The following TTC34 variants were observed in gnomAD, a reference collection of about 807,000 sequenced individuals.
The protein encoded by TTC34 is tetratricopeptide repeat domain 34.
In TTC34, 44 loss-of-function variants were observed where a neutral mutation model predicts 40.7. That is an observed-to-expected ratio of 1.08 (90% CI 0.85 to 1.39). TTC34 has a LOEUF of 1.39. Ranked by LOEUF, TTC34 falls within the 40% of genes most tolerant of loss-of-function variation. The pLI, the probability that TTC34 is intolerant of heterozygous loss-of-function variation, is 0.00. For synonymous variants in TTC34, 422 were observed against 398.6 expected (o/e 1.06, Z -0.70); for missense variants, 884 against 838.0 (o/e 1.05, Z -0.68).
intron 6 of TTC34, among the ~76,000 whole-genome samples, chr1:2,656,922 TGGAACAGCACCCACACCCCCA>T (rs1639369563): frequency 1.1e-5 from 1 of 94,512 alleles, no homozygotes; most frequent in Non-Finnish European, 2.7e-5. Context: ...TCTGACGGCC[TGGAACAGCACCCACACCCCCA>T]GGTGAGCATT....
intron 6 of TTC34, among the ~76,000 whole-genome samples, chr1:2,699,416 A>C (rs1313686230): frequency 2.5e-5 from 2 of 79,338 alleles, no homozygotes; most frequent in East Asian, 4.5e-4. Context: ...CCCACACCCC[A>C]AGGTGAGTAT....
Position 2,645,707 on chromosome 1 carries a change from T to C in TTC34, c.2227-144A>G. 1 of 758,844 alleles carries C rather than the reference T, an allele frequency of 1.3e-6. No individual in the cohort carries two copies. Among genetic ancestry groups the C allele is most frequent in the Non-Finnish European group, 1.9e-6 (1 of 535,082 alleles). The allele number at this position is 758,844 out of a possible 1,614,324, so 47.0% of individuals were successfully genotyped here. On this transcript the variant is annotated intron_variant, in intron 6 of 8. Transcript: ENST00000401095. This position sits in a 1 kb window ranked among gnomAD's most constrained non-coding sequence, Gnocchi z 4.7. The stretch of plus-strand genomic sequence containing the variant: ...TAGAGGGTCTGAACACCCAGCTTCC[T>C]GCCCCTTCCTGCTTCTCTGTGGCTG...
intron 6 of TTC34, among the ~76,000 whole-genome samples, chr1:2,651,543 G>A (rs1044841661): frequency 6.6e-6 from 1 of 150,638 alleles, no homozygotes; most frequent in African/African-American, 2.4e-5. Flanking sequence ...TGACAGCCTG[G>A]ATCAGCACTT....
At chr1:2,784,746 T>A (rs1403063384) in intron 5 of TTC34, among the ~76,000 whole-genome samples, 1 of 152,260 alleles carries the variant, frequency 6.6e-6, no homozygotes, top group Admixed American at 6.5e-5. Flanking sequence ...TAATGATTAA[T>A]AATGATTAAT....
rs1232169612 is a variant in TTC34, at chr1:2,749,543, C to T, written c.2226+34066G>A. 1.3e-3 allele frequency among the ~76,000 whole-genome samples: 32 copies of T among 24,812 alleles called. 1 individual carries two copies. The highest frequency in any genetic ancestry group is 7.8e-3 in the African/African-American group (25 of 3,192). 16.3% of individuals were successfully genotyped at this position (24,812 alleles called of 152,430 possible). Reference sequence around the variant, plus strand: ...CCAGATTCCCAGGCAAGCATCTGAACGCAAATAGCAGCACCCACACCCCCA... The same window carrying T: ...CCAGATTCCCAGGCAAGCATCTGAATGCAAATAGCAGCACCCACACCCCCA... On this transcript the variant is annotated intron_variant, in intron 6 of 8. Transcript: ENST00000401095.
chr1:2,685,487 G>A (rs1326575419), intron 6 of TTC34, among the ~76,000 whole-genome samples: 1 of 132,956 alleles, frequency 7.5e-6, no homozygotes, highest in Non-Finnish European at 1.5e-5. Context: ...ACCCCCAGGT[G>A]AGCATCTGAC....
At chr1:2,785,436 C>A (rs144661411) in intron 5 of TTC34, among the ~76,000 whole-genome samples, 2 of 152,292 alleles carry the variant, frequency 1.3e-5, no homozygotes, top group Non-Finnish European at 2.9e-5. Context: ...GGAGGCCAGG[C>A]GTGCATAGGA....
chr1:2,778,625 G>T (rs1022762308), intron 6 of TTC34, among the ~76,000 whole-genome samples: 11 of 152,352 alleles, frequency 7.2e-5, no homozygotes, highest in African/African-American at 2.6e-4. Context: ...AGCTCTGTGG[G>T]GGGAGACAGG....
intron 6 of TTC34, among the ~76,000 whole-genome samples, chr1:2,686,486 G>C (rs1159293528): frequency 2.2e-4 from 24 of 109,472 alleles, no homozygotes; most frequent in African/African-American, 1.0e-3. Flanking sequence ...CACATGCCCA[G>C]CTGAGCCTGT....
Position 2,749,458 on chromosome 1 carries a change from C to G in TTC34, c.2226+34151G>C, listed in dbSNP as rs1212190143. Reference sequence around the variant, plus strand: ...AGCACCGACACCCCCAGGTGAGCATCTGACGGCCTGGAACAGCACCCACAT... The same window carrying G: ...AGCACCGACACCCCCAGGTGAGCATGTGACGGCCTGGAACAGCACCCACAT... On this transcript the variant is annotated intron_variant, in intron 6 of 8. Transcript: ENST00000401095. 4.8e-3 allele frequency among the ~76,000 whole-genome samples: 306 copies of G among 63,278 alleles called. 1 individual carries two copies. Among genetic ancestry groups the G allele is most frequent in the Middle Eastern group, 0.022 (3 of 134 alleles). 41.5% of individuals were successfully genotyped at this position (63,278 alleles called of 152,430 possible).
intron 6 of TTC34, among the ~76,000 whole-genome samples, chr1:2,657,430 A>G (rs559325790): frequency 2.3e-5 from 2 of 88,112 alleles, no homozygotes; most frequent in South Asian, 3.4e-4. Flanking sequence ...CCCCCAGGCG[A>G]GCATCTGAAC....
intron 6 of TTC34, among the ~76,000 whole-genome samples, chr1:2,767,890 C>T (rs1034504010): frequency 2.0e-5 from 3 of 150,106 alleles, no homozygotes; most frequent in African/African-American, 7.3e-5. Context: ...CCCTCCACCA[C>T]CAGATGAGCA....
chr1:2,771,478 C>T (rs1392210682), intron 6 of TTC34, among the ~76,000 whole-genome samples: 3 of 82,708 alleles, frequency 3.6e-5, no homozygotes, highest in Non-Finnish European at 6.6e-5. Context: ...GGAACAGCAT[C>T]CACACCCCCA....
chr1:2,696,672 A>C, intron 6 of TTC34, among the ~76,000 whole-genome samples: 4 of 64,484 alleles, frequency 6.2e-5, no homozygotes, highest in Non-Finnish European at 9.5e-5. Context: ...CTGGAACAGC[A>C]CCCACACCCC....
At chr1:2,650,051 T>C (rs1341503624) in intron 6 of TTC34, among the ~76,000 whole-genome samples, 10 of 122,236 alleles carry the variant, frequency 8.2e-5, no homozygotes, top group Middle Eastern at 4.9e-3. Context: ...GCACTCTGCA[T>C]CCCCAGGTGA....
At chr1:2,764,329 G>A (rs1214516427) in intron 6 of TTC34, among the ~76,000 whole-genome samples, 45 of 138,886 alleles carry the variant, frequency 3.2e-4, no homozygotes, top group South Asian at 4.7e-4. Flanking sequence ...ACAGCCTGGA[G>A]CAGCGCCCAC....
At chr1:2,692,544 C>A (rs1245141722) in intron 6 of TTC34, among the ~76,000 whole-genome samples, 14 of 44,672 alleles carry the variant, frequency 3.1e-4, no homozygotes, top group Admixed American at 1.6e-3. Flanking sequence ...AGCACCCACA[C>A]CCCCAGGCGA....
chr1:2,781,168 C>T (rs1380635554), intron 6 of TTC34, among the ~76,000 whole-genome samples: 1 of 152,112 alleles, frequency 6.6e-6, no homozygotes, highest in Non-Finnish European at 1.5e-5. Flanking sequence ...GATGTGCAAC[C>T]CTCGTACACA....
chr1:2,648,971 G>A (rs1639073565), intron 6 of TTC34, among the ~76,000 whole-genome samples: 1 of 151,896 alleles, frequency 6.6e-6, no homozygotes, highest in South Asian at 2.1e-4. Flanking sequence ...ACCCCCAGGT[G>A]AGTATCTGAC....
Sources: gnomAD v4.1 joint callset for allele counts (sites outside exome capture counted in the v4.1 genomes callset) on GRCh38, gnomAD v4.1.1 for gene constraint, Gnocchi (gnomAD v3.1) non-coding constraint, MANE v1.5 for transcripts, NCBI Gene and HGNC (gene_info 2026-07-23, HGNC 2026-07-21) for gene names.